The following LRRC4C variants were observed in gnomAD, a reference collection of about 807,000 sequenced individuals.
LRRC4C encodes the protein leucine rich repeat containing 4C.
A neutral mutation model predicts 33.6 loss-of-function variants in LRRC4C; 5 were observed. The ratio of observed to expected loss-of-function variants is 0.15; its 90% CI spans 0.08 to 0.31. The LOEUF is 0.31. LRRC4C is among the 10% of genes least tolerant of loss of function. The pLI is 1.00. For missense variants in LRRC4C, 560 were observed against 796.7 expected (o/e 0.70, Z 3.58); for synonymous variants, 329 against 302.0 (o/e 1.09, Z -0.93).
At chr11:41,377,031 A>G (rs1241026698) in intron 1 of LRRC4C, among the ~76,000 whole-genome samples, 1 of 152,154 alleles carries the variant, frequency 6.6e-6, no homozygotes, top group Admixed American at 6.6e-5. Flanking sequence ...TGAACTAAAT[A>G]TTTATTTTTG....
chr11:40,569,611 G>A (rs905124057), intron 3 of LRRC4C, among the ~76,000 whole-genome samples: 22 of 151,902 alleles, frequency 1.4e-4, no homozygotes, highest in African/African-American at 4.6e-4. Flanking sequence ...AGTTTTTTTG[G>A]ACTATAAAAT....
chr11:40,583,725 A>G (rs1163327990), intron 3 of LRRC4C, among the ~76,000 whole-genome samples: 1 of 151,920 alleles, frequency 6.6e-6, no homozygotes, highest in African/African-American at 2.4e-5. Flanking sequence ...TCATCATATT[A>G]TATTCTTGTA....
chr11:41,092,308 G>A (rs1940483499), intron 1 of LRRC4C, among the ~76,000 whole-genome samples: 1 of 152,104 alleles, frequency 6.6e-6, no homozygotes, highest in Non-Finnish European at 1.5e-5. Context: ...CGATGAGAAA[G>A]TAAGCTTTCC....
At chr11:41,431,741 A>G (rs971107865) in intron 1 of LRRC4C, among the ~76,000 whole-genome samples, 2 of 152,208 alleles carry the variant, frequency 1.3e-5, no homozygotes, top group Admixed American at 1.3e-4. Context: ...CGACAATATT[A>G]AGACACATAA....
At chr11:40,605,574 C>T (rs1960493129) in intron 3 of LRRC4C, among the ~76,000 whole-genome samples, 1 of 152,126 alleles carries the variant, frequency 6.6e-6, no homozygotes, top group Non-Finnish European at 1.5e-5. Flanking sequence ...CAGTGGGACT[C>T]AGAGGAAAGT....
At chr11:40,427,664 C>T (rs1398330490) in intron 3 of LRRC4C, among the ~76,000 whole-genome samples, 1 of 151,804 alleles carries the variant, frequency 6.6e-6, no homozygotes, top group Non-Finnish European at 1.5e-5. Flanking sequence ...CCTGTCTCTA[C>T]AAAAAATACA....
intron 1 of LRRC4C, among the ~76,000 whole-genome samples, chr11:41,031,173 G>A (rs969964765): frequency 1.3e-5 from 2 of 151,888 alleles, no homozygotes; most frequent in African/African-American, 4.8e-5. Context: ...TGGCTAGTAG[G>A]TATTTGTACA....
chr11:40,728,327 C>T (rs143400637), intron 2 of LRRC4C, among the ~76,000 whole-genome samples: 204 of 151,838 alleles, frequency 1.3e-3, no homozygotes, highest in Middle Eastern at 0.01. Context: ...TCATTTTGGC[C>T]GGGCGCAGTG....
At chr11:40,558,658 C>T (rs750731733) in intron 3 of LRRC4C, among the ~76,000 whole-genome samples, 9 of 152,140 alleles carry the variant, frequency 5.9e-5, no homozygotes, top group African/African-American at 2.2e-4. Context: ...TGCTGTTTAG[C>T]AAAGATCTTT....
At chr11:41,415,409 G>A (rs943333190) in intron 1 of LRRC4C, among the ~76,000 whole-genome samples, 1 of 152,152 alleles carries the variant, frequency 6.6e-6, no homozygotes, top group Non-Finnish European at 1.5e-5. Flanking sequence ...AAGCGGTGTA[G>A]TGTTTTGAAT....
At chr11:40,908,180 A>G (rs1237707409) in intron 2 of LRRC4C, among the ~76,000 whole-genome samples, 2 of 152,136 alleles carry the variant, frequency 1.3e-5, no homozygotes, top group Non-Finnish European at 2.9e-5. Flanking sequence ...AAAGAATAGG[A>G]AGGAAGATAA....
intron 2 of LRRC4C, among the ~76,000 whole-genome samples, chr11:40,829,136 GT>G (rs2135530931): frequency 2.0e-5 from 3 of 152,050 alleles, no homozygotes; most frequent in Admixed American, 1.3e-4. Flanking sequence ...TAGATATCTT[GT>G]TTTGAAGAAT....
At chr11:41,409,162 C>T (rs550241842) in intron 1 of LRRC4C, among the ~76,000 whole-genome samples, 2 of 152,246 alleles carry the variant, frequency 1.3e-5, no homozygotes, top group South Asian at 2.1e-4. Context: ...TCAGGGGCAA[C>T]CTCTTGGAAC....
At chr11:40,543,631 A>T (rs1267017608) in intron 3 of LRRC4C, among the ~76,000 whole-genome samples, 1 of 152,168 alleles carries the variant, frequency 6.6e-6, no homozygotes, top group Non-Finnish European at 1.5e-5. Flanking sequence ...CATTTGTCTG[A>T]AGAAGAAAAA....
chr11:40,614,988 C>T (rs745707982), intron 3 of LRRC4C, among the ~76,000 whole-genome samples: 5 of 151,486 alleles, frequency 3.3e-5, no homozygotes, highest in Admixed American at 6.6e-5. Flanking sequence ...GTAACTAAAA[C>T]GTAACACAGG....
intron 1 of LRRC4C, among the ~76,000 whole-genome samples, chr11:41,313,421 C>T (rs1950696642): frequency 6.6e-6 from 1 of 152,182 alleles, no homozygotes; most frequent in African/African-American, 2.4e-5. Flanking sequence ...AATTGAACCA[C>T]CATATTTCGT....
intron 3 of LRRC4C, among the ~76,000 whole-genome samples, chr11:40,400,209 G>A (rs77618406): frequency 0.014 from 2,201 of 152,168 alleles, 48 homozygotes; most frequent in African/African-American, 0.05. Context: ...CACACACAGA[G>A]GTTTCTCTAT....
In LRRC4C at chr11:40,277,855, A is replaced by G. The variant is rs149091117; in HGVS notation, c.-175-36257T>C. The stretch of plus-strand genomic sequence containing the variant: ...TGTTACCTATCGCTGATTTTTTTGT[A>G]TTGTGGTTATTATTGCAGTTGTCAA... On this transcript the variant is annotated intron_variant, in intron 4 of 6. Transcript: ENST00000528697. Among the ~76,000 whole-genome samples the G allele has an allele frequency of 7.3e-3, 1,117 of 152,162 alleles. 15 individuals carry two copies. Among genetic ancestry groups the G allele is most frequent in the African/African-American group, 0.026 (1,066 of 41,522 alleles).
At chr11:41,264,553 C>T (rs1000155144) in intron 1 of LRRC4C, among the ~76,000 whole-genome samples, 8 of 151,972 alleles carry the variant, frequency 5.3e-5, no homozygotes, top group Non-Finnish European at 1.0e-4. Context: ...TACATATAGA[C>T]CCACATCATC....
Sources: gnomAD v4.1 joint callset for allele counts (sites outside exome capture counted in the v4.1 genomes callset) on GRCh38, gnomAD v4.1.1 for gene constraint, MANE v1.5 for transcripts, NCBI Gene and HGNC (gene_info 2026-07-23, HGNC 2026-07-21) for gene names.